Variants in LOXL3 observed in about 807,000 individuals in gnomAD.
LOXL3 encodes lysyl oxidase like 3, also known as lysyl oxidase homolog 3.
LOXL3 carries 60 observed loss-of-function variants against 91.8 expected under a neutral mutation model. The observed-to-expected ratio is 0.65, with a 90% CI of 0.53 to 0.81. The LOEUF (loss-of-function observed/expected upper bound fraction) is 0.81. Among genes scored for constraint, LOXL3 ranks in the 30% least tolerant of loss-of-function variants. LOXL3 has a pLI of 0.00. For missense variants in LOXL3, 874 were observed against 1,000.4 expected, an observed-to-expected ratio of 0.87 and a Z score of 1.70; for synonymous variants, 355 against 387.6, an observed-to-expected ratio of 0.92 and a Z score of 0.99.
rs183380014 is a variant in LOXL3, at chr2:74,538,751, C to A, written c.693-1823G>T. On this transcript the variant is annotated intron_variant, in intron 4 of 13. Coordinates refer to ENST00000264094, the MANE Select transcript of LOXL3 (RefSeq NM_032603.5). ...TCAAATAAAGCATTTGATTTGGGAA[C>A]ACTGATCCTTTAGGCAAATGTAACC... is the stretch of plus-strand genomic sequence containing the variant. 7.7e-4 allele frequency among the ~76,000 whole-genome samples: 118 copies of A among 152,332 alleles called. 1 individual carries two copies. The highest frequency in any genetic ancestry group is 2.7e-3 in the African/African-American group (113 of 41,576).
At position 74,553,867 on chromosome 2, in the gene LOXL3, T is replaced by A. The variant is rs886486017; in HGVS notation, c.-13+9A>T. The A allele has an allele frequency of 2.8e-5, 4 of 145,220 alleles. No homozygotes were observed. Among genetic ancestry groups the A allele is most frequent in the Admixed American group, 1.4e-4 (2 of 14,396 alleles). The allele number at this position is 145,220 out of a possible 1,614,324, so 9.0% of individuals were successfully genotyped here. A position where few individuals can be genotyped will look rare whatever the true frequency, so the allele number is the denominator to read the frequency against. ...TCATTCCCTCTGCGGTTAGCGTGAC[T>A]CCCCCTACCTTGGCCGAGCAGGACC... On this transcript the variant is annotated intron_variant, in intron 1 of 13. Transcript: ENST00000264094.
At chr2:74,541,791 A>G (rs1246792313) in intron 4 of LOXL3, among the ~76,000 whole-genome samples, 1 of 151,036 alleles carries the variant, frequency 6.6e-6, no homozygotes, top group Non-Finnish European at 1.5e-5. Context: ...ATACACAAAC[A>G]TATGTAATCT....
At position 74,533,091 on chromosome 2, in the gene LOXL3, G is replaced by A; in HGVS notation, c.*515C>T. 9.4e-7 allele frequency: 1 copy of A among 1,059,096 alleles called. No homozygotes were observed. Among genetic ancestry groups the A allele is most frequent in the South Asian group, 1.3e-5 (1 of 77,920 alleles). 65.6% of individuals were successfully genotyped at this position (1,059,096 alleles called of 1,614,324 possible). On this transcript the variant is annotated 3_prime_UTR_variant, in exon 14 of 14. Transcript: ENST00000264094. ...AGGGTTAAATGAACCAGTGGGGGCA[G>A]GTCCCTCCAACCACCAGCACTGACT...
In LOXL3 at chr2:74,549,646, C is replaced by T; in HGVS notation, c.478-63G>A. ...GGCACCTTTCATGTGTCCCGCCGCC[C>T]TTAAGGAACCCTGCTTGGTGTGCCT... is the stretch of plus-strand genomic sequence containing the variant. On this transcript the variant is annotated intron_variant, in intron 3 of 13. Coordinates refer to ENST00000264094, the MANE Select transcript of LOXL3 (RefSeq NM_032603.5). The surrounding 1 kb of genome is among the most constrained non-coding windows in gnomAD (Gnocchi z 5.3). 6.5e-7 allele frequency: 1 copy of T among 1,527,012 alleles called. No individual in the cohort carries two copies. The highest frequency in any genetic ancestry group is 8.9e-7 in the Non-Finnish European group (1 of 1,129,442). The allele number at this position is 1,527,012 out of a possible 1,614,324, so 94.6% of individuals were successfully genotyped here.
At chr2:74,548,311 T>C (rs1676733722) in intron 4 of LOXL3, among the ~76,000 whole-genome samples, 2 of 152,226 alleles carry the variant, frequency 1.3e-5, no homozygotes, top group Non-Finnish European at 2.9e-5. Flanking sequence ...ACGTCACCTA[T>C]ACCTGGGTTG....
intron 4 of LOXL3, among the ~76,000 whole-genome samples, chr2:74,543,907 A>AG: frequency 6.7e-6 from 1 of 150,016 alleles, no homozygotes; most frequent in East Asian, 1.9e-4. Context: ...TCTCAAAAAA[A>AG]AAAAAAAAAA....
At chr2:74,550,744 G>T (rs1237547677) in intron 2 of LOXL3, among the ~76,000 whole-genome samples, 1 of 152,138 alleles carries the variant, frequency 6.6e-6, no homozygotes, top group African/African-American at 2.4e-5. Flanking sequence ...TTTATATAAA[G>T]AAACTGGGGT....
intron 4 of LOXL3, among the ~76,000 whole-genome samples, chr2:74,548,260 A>G (rs191975437): frequency 6.6e-6 from 1 of 152,318 alleles, no homozygotes; most frequent in African/African-American, 2.4e-5. Context: ...TGGCTTTTTT[A>G]TGGCTTCTAA....
upstream of LOXL3, chr2:74,554,627 C>G: frequency 1.2e-6 from 1 of 860,940 alleles, no homozygotes; most frequent in East Asian, 2.7e-5. This position sits in a 1 kb window ranked among gnomAD's most constrained non-coding sequence, Gnocchi z 4.9. Context: ...CTCACCCCAC[C>G]GCGACCCCCC....
At chr2:74,550,142 C>T (rs1207381048) in intron 3 of LOXL3, 43 bp downstream of exon 3, 1 of 1,581,758 alleles carries the variant, frequency 6.3e-7, no homozygotes, top group Non-Finnish European at 8.6e-7. Flanking sequence ...GTACTCTCGG[C>T]TATCCTGGGT....
At position 74,535,773 on chromosome 2, in the gene LOXL3, G is replaced by A; in HGVS notation, c.1249-18C>T. 1.3e-6 allele frequency: 2 copies of A among 1,539,744 alleles called. No individual in the cohort carries two copies. The highest frequency in any genetic ancestry group is 2.6e-5 in the South Asian group (2 of 77,870). ...AGTCGGATCTGTAGTGACACAGAAT[G>A]GAAGCGCTGGAGAAAGCTTTGGGGT... On this transcript the variant is annotated intron_variant, in intron 7 of 13. Transcript: ENST00000264094. This position sits in a 1 kb window ranked among gnomAD's most constrained non-coding sequence, Gnocchi z 4.2.
chr2:74,532,715 G>A lies in LOXL3; in HGVS notation c.*891C>T. ...TCATCCTGGGCTCCCCTGCACACCGGTGAGGGAGAGGCTGCAGTGTGATAT... is the reference window on the plus strand; with the variant it reads ...TCATCCTGGGCTCCCCTGCACACCGATGAGGGAGAGGCTGCAGTGTGATAT... On this transcript the variant is annotated 3_prime_UTR_variant, in exon 14 of 14. Transcript: ENST00000264094. 6.2e-7 allele frequency: 1 copy of A among 1,613,190 alleles called. No homozygotes were observed. Among genetic ancestry groups the A allele is most frequent in the Non-Finnish European group, 8.5e-7 (1 of 1,179,264 alleles).
intron 4 of LOXL3, among the ~76,000 whole-genome samples, chr2:74,548,337 T>C (rs969083949): frequency 6.6e-6 from 1 of 152,196 alleles, no homozygotes. Flanking sequence ...GGCTGCTCTA[T>C]CAGTAGGAAG....
intron 2 of LOXL3, among the ~76,000 whole-genome samples, chr2:74,551,447 C>T (rs1677005144): frequency 6.6e-6 from 1 of 152,364 alleles, no homozygotes; most frequent in East Asian, 1.9e-4. Flanking sequence ...TGATTCATTC[C>T]TTTGGTGCCA....
intron 4 of LOXL3, among the ~76,000 whole-genome samples, chr2:74,540,152 C>G (rs1222594415): frequency 6.6e-6 from 1 of 152,124 alleles, no homozygotes; most frequent in East Asian, 1.9e-4. Flanking sequence ...TGGCTGAGAC[C>G]CAAGCTTTCA....
At chr2:74,542,130 A>G (rs1057071983) in intron 4 of LOXL3, among the ~76,000 whole-genome samples, 7 of 151,272 alleles carry the variant, frequency 4.6e-5, no homozygotes, top group African/African-American at 1.5e-4. Flanking sequence ...TCGTCTCTAC[A>G]AAAAATTTAA....
upstream of LOXL3, chr2:74,555,325 G>C (rs779513977): frequency 6.2e-7 from 1 of 1,613,992 alleles, no homozygotes; most frequent in Non-Finnish European, 8.5e-7. This position sits in a 1 kb window ranked among gnomAD's most constrained non-coding sequence, Gnocchi z 6.1. Context: ...CCCCGTCACC[G>C]TGGAGACCCC....
chr2:74,535,410 C>T lies in LOXL3; in HGVS notation c.1461G>A (p.Met487Ile). 6.2e-7 allele frequency: 1 copy of T among 1,614,110 alleles called. No homozygotes were observed. Among genetic ancestry groups the T allele is most frequent in the South Asian group, 1.1e-5 (1 of 91,090 alleles). The change falls in exon 9 of 14, where the codon ATG becomes ATA. Residue 487 changes from methionine to isoleucine, a missense_variant. By Grantham distance (10) the Met-to-Ile change is conservative. Transcript: ENST00000264094. This position sits in a 1 kb window ranked among gnomAD's most constrained non-coding sequence, Gnocchi z 4.2. ...WDSGNITEVV[M>I]SGVRCTGTEL... Reference sequence around the variant, plus strand: ...CAGTCCCTGTGCAGCGCACTCCACTCATCACCACCTCTGTTATATTCCCAG... The same window carrying T: ...CAGTCCCTGTGCAGCGCACTCCACTTATCACCACCTCTGTTATATTCCCAG...
At chr2:74,537,554 G>A (rs1054413301) in intron 4 of LOXL3, among the ~76,000 whole-genome samples, 3 of 152,324 alleles carry the variant, frequency 2.0e-5, no homozygotes, top group Admixed American at 6.5e-5. Flanking sequence ...ATGTATAAAT[G>A]CAGGACAGGT....
Sources: gnomAD v4.1 joint callset for allele counts (sites outside exome capture counted in the v4.1 genomes callset) on GRCh38, gnomAD v4.1.1 for gene constraint, Gnocchi (gnomAD v3.1) non-coding constraint, MANE v1.5 for transcripts, NCBI Gene and HGNC (gene_info 2026-07-23, HGNC 2026-07-21) for gene names.